ZFR: variants seen among roughly 807,000 people sequenced by gnomAD.
ZFR encodes zinc finger RNA-binding protein.
A neutral mutation model predicts 130.7 loss-of-function variants in ZFR; 19 were observed. That is an observed-to-expected ratio of 0.15 (90% CI 0.10 to 0.21). The LOEUF (loss-of-function observed/expected upper bound fraction) is 0.21, where lower values mean the gene tolerates loss of function less well. Ranked by LOEUF, ZFR falls within the 10% of genes least tolerant of loss-of-function variation. ZFR has a pLI of 1.00. For missense variants in ZFR, 872 were observed against 1,321.5 expected, an observed-to-expected ratio of 0.66 and a Z score of 5.27; for synonymous variants, 466 against 456.9, an observed-to-expected ratio of 1.02 and a Z score of -0.25.
intron 2 of ZFR, among the ~76,000 whole-genome samples, chr5:32,422,990 G>A (rs1753990178): frequency 6.6e-6 from 1 of 151,760 alleles, no homozygotes; most frequent in African/African-American, 2.4e-5. Context: ...AACAAAAAGT[G>A]AGCCAGGGAC....
intron 7 of ZFR, 86 bp downstream of exon 7, chr5:32,403,820 T>C: frequency 7.4e-7 from 1 of 1,359,680 alleles, no homozygotes; most frequent in South Asian, 1.8e-5. Flanking sequence ...TTTTCGAACT[T>C]TGAAGTTACC....
At chr5:32,363,809 C>T (rs1752483446) in intron 19 of ZFR, 139 bp downstream of exon 19, 1 of 603,782 alleles carries the variant, frequency 1.7e-6, no homozygotes, top group Non-Finnish European at 2.7e-6. Flanking sequence ...TTTTAATATC[C>T]TTTCTAGGGG....
chr5:32,388,422 A>G (rs761203646), intron 13 of ZFR, 47 bp downstream of exon 13: 28 of 1,585,960 alleles, frequency 1.8e-5, no homozygotes, highest in African/African-American at 1.2e-4. Flanking sequence ...AGAAGTCCAC[A>G]TAAGAAAAAC....
chr5:32,390,198 G>GC (rs1012917578), intron 12 of ZFR, 77 bp downstream of exon 12: 18 of 1,506,236 alleles, frequency 1.2e-5, no homozygotes, highest in Admixed American at 4.0e-5. Context: ...CTAAACATTA[G>GC]CCCCTCCAAA....
chr5:32,427,374 CAAAAA>C (rs540663022), intron 2 of ZFR, among the ~76,000 whole-genome samples: 1 of 66,502 alleles, frequency 1.5e-5, no homozygotes, highest in Non-Finnish European at 2.8e-5. Flanking sequence ...GACTCTGTCT[CAAAAA>C]AAAAAAAAAA....
At chr5:32,358,674 T>C (rs1406210215) in intron 19 of ZFR, among the ~76,000 whole-genome samples, 1 of 151,606 alleles carries the variant, frequency 6.6e-6, no homozygotes, top group Non-Finnish European at 1.5e-5. Flanking sequence ...TTCTATCCTC[T>C]TCTCCCTCTG....
chr5:32,374,507 A>G (rs1404240259), intron 17 of ZFR, among the ~76,000 whole-genome samples: 1 of 152,090 alleles, frequency 6.6e-6, no homozygotes, highest in East Asian at 1.9e-4. Context: ...CATTTCAAAA[A>G]TAAATAATTA....
rs376970846 is a variant in ZFR, at chr5:32,388,508, T to C, written c.2309A>G (p.Asn770Ser). The change falls in exon 13 of 20, where the codon AAC (asparagine) becomes AGC (serine). Residue 770 changes from asparagine to serine, a missense_variant. Around this residue, in one of 7 missense-constraint regions of ZFR, gnomAD observed 225 missense variants for 282.4 expected, o/e 0.80. Transcript: ENST00000265069. ...DSLSEHEKNK[N>S]KEGDDKKEGG... ...CTCTTTCTTATCATCTCCCTCTTTG[T>C]TCTTGTTCTTCTCATGTTCAGACAA... is the stretch of plus-strand genomic sequence containing the variant. 1.9e-6 allele frequency: 3 copies of C among 1,613,908 alleles called. No homozygotes were observed. Among genetic ancestry groups the C allele is most frequent in the South Asian group, 1.1e-5 (1 of 91,082 alleles).
chr5:32,402,636 T>C (rs1402037357), intron 8 of ZFR, among the ~76,000 whole-genome samples: 1 of 147,880 alleles, frequency 6.8e-6, no homozygotes, highest in African/African-American at 2.5e-5. Flanking sequence ...AAACTGGCTG[T>C]GTGTGATGGA....
rs1753072886 is a variant in ZFR at position 32,387,768 on chromosome 5, A to G, written c.2349-69T>C. The stretch of plus-strand genomic sequence containing the variant: ...CAGAAGCATGATATTCTGTAAACAT[A>G]CAATAGTAAGTGAAATAACTTTTGT... On this transcript the variant is annotated intron_variant, in intron 13 of 19. Coordinates refer to ENST00000265069, the MANE Select transcript of ZFR (RefSeq NM_016107.5). 3 of 1,418,594 alleles carry G rather than the reference A, an allele frequency of 2.1e-6. No homozygotes were observed. In the East Asian group the frequency reaches 7.4e-5, roughly 35 times the overall value. 87.9% of individuals were successfully genotyped at this position (1,418,594 alleles called of 1,614,324 possible).
chr5:32,372,984 C>A (rs889778900), intron 17 of ZFR, among the ~76,000 whole-genome samples: 3 of 152,134 alleles, frequency 2.0e-5, no homozygotes, highest in Non-Finnish European at 4.4e-5. Flanking sequence ...AACAAAAAAA[C>A]CCTTTAAATT....
Position 32,419,979 on chromosome 5 carries a change from C to G in ZFR, c.262G>C (p.Ala88Pro). The G allele has an allele frequency of 6.2e-7, 1 of 1,613,934 alleles. No homozygotes were observed. The highest frequency in any genetic ancestry group is 8.5e-7 in the Non-Finnish European group (1 of 1,180,020). Reference protein sequence around the residue: ...AAYAPAAATVAVARPAPVAVA... With the variant: ...AAYAPAAATVPVARPAPVAVA... ...GCTACTGGAGCAGGCCTGGCAACTG[C>G]AACTGTGGCGGCTGCTGGTGCATAG... Residue 88 changes from alanine (A) to proline (P), a missense_variant, in exon 3 of 20, where the codon GCA becomes CCA. Ala to Pro is a conservative substitution (Grantham distance 27). Around this residue, in one of 7 missense-constraint regions of ZFR, gnomAD observed 240 missense variants for 441.2 expected, o/e 0.54. Transcript: ENST00000265069.
chr5:32,396,158 A>G (rs1753305149), intron 10 of ZFR, among the ~76,000 whole-genome samples: 1 of 150,876 alleles, frequency 6.6e-6, no homozygotes, highest in African/African-American at 2.4e-5. Context: ...GGTTGCAGTG[A>G]GCCATGTTCA....
intron 19 of ZFR, among the ~76,000 whole-genome samples, chr5:32,358,767 C>T (rs1402929576): frequency 1.3e-5 from 2 of 151,406 alleles, no homozygotes; most frequent in Non-Finnish European, 2.9e-5. Flanking sequence ...ATCGTCTTGG[C>T]TGAAGGGCAT....
chr5:32,360,995 TTA>T (rs1385443502), intron 19 of ZFR, among the ~76,000 whole-genome samples: 3 of 152,194 alleles, frequency 2.0e-5, no homozygotes, highest in African/African-American at 7.2e-5. Flanking sequence ...AAAAAATTTT[TTA>T]TAGAGATAAG....
chr5:32,390,025 C>T (rs1404498421), intron 12 of ZFR, among the ~76,000 whole-genome samples: 1 of 152,068 alleles, frequency 6.6e-6, no homozygotes, highest in Non-Finnish European at 1.5e-5. Context: ...TTGGTGAGCA[C>T]CTGTAATCCC....
At chr5:32,391,891 G>T (rs533198724) in intron 11 of ZFR, among the ~76,000 whole-genome samples, 1 of 151,820 alleles carries the variant, frequency 6.6e-6, no homozygotes, top group Admixed American at 6.6e-5. Context: ...GCACCACCAC[G>T]CCCAGCTAAT....
intron 2 of ZFR, among the ~76,000 whole-genome samples, chr5:32,427,800 G>T (rs923802127): frequency 1.4e-4 from 22 of 152,270 alleles, no homozygotes; most frequent in Admixed American, 8.5e-4. Context: ...TAGAATAGAG[G>T]ACCCAGATAT....
chr5:32,422,917 G>A (rs1004745152), intron 2 of ZFR, among the ~76,000 whole-genome samples: 1 of 149,346 alleles, frequency 6.7e-6, no homozygotes, highest in African/African-American at 2.5e-5. Context: ...AATTATTACA[G>A]AGTACACACA....
Sources: allele counts gnomAD v4.1 joint callset (sites outside exome capture counted in the v4.1 genomes callset), GRCh38; gene constraint gnomAD v4.1.1; regional missense constraint gnomAD v4.1.1; transcripts MANE v1.5; gene names NCBI Gene and HGNC (gene_info 2026-07-23, HGNC 2026-07-21).